SUPT16H: variants seen among roughly 807,000 people sequenced by gnomAD.
SUPT16H encodes FACT complex subunit SPT16.
A neutral mutation model predicts 136.2 loss-of-function variants in SUPT16H; 24 were observed. The observed-to-expected ratio is 0.18, with a 90% CI of 0.13 to 0.25. The LOEUF (loss-of-function observed/expected upper bound fraction) is 0.25, where lower values mean the gene tolerates loss of function less well. SUPT16H is among the 10% of genes least tolerant of loss of function. The probability of loss-of-function intolerance (pLI) is 1.00; values close to 1 mark genes in which losing one functional copy is unlikely to be tolerated. For missense variants in SUPT16H, 623 were observed against 1,270.2 expected (o/e 0.49, Z 7.74); for synonymous variants, 415 against 428.2 (o/e 0.97, Z 0.38).
chr14:21,381,800 T>TTG (rs976170084), intron 1 of SUPT16H, among the ~76,000 whole-genome samples: 18 of 150,018 alleles, frequency 1.2e-4, no homozygotes, highest in East Asian at 3.9e-4. Flanking sequence ...TTTTTTTTTT[T>TTG]GTAGAGACGG....
chr14:21,362,464 T>A (rs1886576930), intron 14 of SUPT16H, 140 bp from the exon 15 acceptor site: 2 of 896,196 alleles, frequency 2.2e-6, no homozygotes, highest in Non-Finnish European at 3.1e-6. Context: ...ACATAATTTA[T>A]CTTTTTAATA....
At position 21,352,295 on chromosome 14, in the gene SUPT16H, G is replaced by A. The variant is rs10872898; in HGVS notation, c.*378C>T. ...TGTGCTGGTCAAGAACCATGATACG[G>A]GTAATTAAGGGTCACCTTGTACCAC... On this transcript the variant is annotated 3_prime_UTR_variant, in exon 26 of 26. Transcript: ENST00000216297. 4.4e-6 allele frequency: 1 copy of A among 229,356 alleles called. No homozygotes were observed. The highest frequency in any genetic ancestry group is 8.9e-6 in the Non-Finnish European group (1 of 112,702). The allele number at this position is 229,356 out of a possible 1,614,324, so 14.2% of individuals were successfully genotyped here. A position where few individuals can be genotyped will look rare whatever the true frequency, so the allele number is the denominator to read the frequency against.
chr14:21,369,731 C>A lies in SUPT16H; in HGVS notation c.630+19G>T, dbSNP rs756490042. On this transcript the variant is annotated intron_variant, in intron 5 of 25. Coordinates refer to ENST00000216297, the MANE Select transcript of SUPT16H (RefSeq NM_007192.4). ...CTGCTTCATTAAAACAGTAAAAAGACCCTCTCATCTCCATTTACCTCATCT... is the reference window on the plus strand; with the variant it reads ...CTGCTTCATTAAAACAGTAAAAAGAACCTCTCATCTCCATTTACCTCATCT... 1 of 1,613,326 alleles carries A rather than the reference C, an allele frequency of 6.2e-7. No homozygotes were observed. The highest frequency in any genetic ancestry group is 8.5e-7 in the Non-Finnish European group (1 of 1,179,662).
At chr14:21,368,695 G>A (rs1886724096) in intron 6 of SUPT16H, among the ~76,000 whole-genome samples, 1 of 152,178 alleles carries the variant, frequency 6.6e-6, no homozygotes, top group Non-Finnish European at 1.5e-5. Flanking sequence ...TTACAAAAAT[G>A]CAAATGATAT....
chr14:21,359,038 C>T (rs1304741814), intron 19 of SUPT16H, among the ~76,000 whole-genome samples: 6 of 151,906 alleles, frequency 3.9e-5, no homozygotes, highest in African/African-American at 1.5e-4. Flanking sequence ...ATCTCCTGAC[C>T]TCGTGATCTG....
In SUPT16H at chr14:21,365,759, CAAACCAAAACCA is replaced by C. The variant is rs755461010; in HGVS notation, c.1047-628_1047-617del. On this transcript the variant is annotated intron_variant, in intron 8 of 25. Transcript: ENST00000216297. ...TGAGAAATACACTGGATTGAATAAACAAACCAAAACCAAAACCAAAACCAAAACCAAAACAAA... is the reference window on the plus strand; with the variant it reads ...TGAGAAATACACTGGATTGAATAAACAAACCAAAACCAAAACCAAAACAAA... Among the ~76,000 whole-genome samples the C allele has an allele frequency of 1.6e-3, 244 of 151,562 alleles. 1 individual carries two copies. Among genetic ancestry groups the C allele is most frequent in the South Asian group, 2.7e-3 (13 of 4,800 alleles).
chr14:21,363,867 C>G (rs532955239), intron 10 of SUPT16H, among the ~76,000 whole-genome samples: 1 of 152,004 alleles, frequency 6.6e-6, no homozygotes, highest in African/African-American at 2.4e-5. Context: ...TTAGTAGGGC[C>G]GGGGATTCAC....
chr14:21,371,695 C>A (rs1203290265), intron 3 of SUPT16H, among the ~76,000 whole-genome samples, 179 bp downstream of exon 3: 1 of 152,208 alleles, frequency 6.6e-6, no homozygotes, highest in Non-Finnish European at 1.5e-5. Context: ...TACAGCAGAA[C>A]TGATAGGATT....
intron 1 of SUPT16H, among the ~76,000 whole-genome samples, chr14:21,382,629 A>G (rs529791384): frequency 3.9e-5 from 6 of 152,194 alleles, no homozygotes; most frequent in Non-Finnish European, 7.3e-5. Context: ...AGAAAGTATC[A>G]AGGTTTTAAA....
intron 18 of SUPT16H, 54 bp downstream of exon 18, chr14:21,360,359 AGT>A: frequency 7.6e-7 from 1 of 1,311,516 alleles, no homozygotes; most frequent in Non-Finnish European, 1.1e-6. Context: ...AAAGAAGCTG[AGT>A]GAAATGAAGT....
chr14:21,368,592 TTAAA>T (rs1370399388), intron 6 of SUPT16H, 151 bp from the exon 7 acceptor site: 25 of 893,740 alleles, frequency 2.8e-5, no homozygotes, highest in Middle Eastern at 2.4e-4. Context: ...GTGTTTTGTT[TTAAA>T]TAAACTAACC....
At position 21,366,448 on chromosome 14, in the gene SUPT16H, T is replaced by C. The variant is rs149497176; in HGVS notation, c.1037A>G (p.Lys346Arg). ...QKPELLNKIT[K>R]NLGFGMGIEF... ...AGACATCATGGCATACCCTAGGTTT[T>C]TGGTAATTTTGTTCAGCAGTTCTGG... is the stretch of plus-strand genomic sequence containing the variant. Residue 346 changes from lysine to arginine, a missense_variant, in exon 8 of 26, where the codon AAA becomes AGA. By Grantham distance (26) the Lys-to-Arg change is conservative. This residue lies in a region of SUPT16H where 343 missense variants were observed against 525.7 expected (regional missense o/e 0.65). Transcript: ENST00000216297. The C allele has an allele frequency of 6.8e-6, 11 of 1,613,960 alleles. No homozygotes were observed. The highest frequency in any genetic ancestry group is 2.7e-5 in the African/African-American group (2 of 74,924).
chr14:21,383,460 T>C (rs949151341), intron 1 of SUPT16H: 2 of 558,050 alleles, frequency 3.6e-6, no homozygotes, highest in Non-Finnish European at 6.4e-6. Flanking sequence ...AAGACGGTTA[T>C]AATCCTGGCG....
intron 7 of SUPT16H, among the ~76,000 whole-genome samples, chr14:21,367,232 C>G (rs1026684422): frequency 6.6e-6 from 1 of 152,132 alleles, no homozygotes; most frequent in Non-Finnish European, 1.5e-5. Flanking sequence ...TACCCGGCCC[C>G]GATCCCATTC....
At position 21,371,882 on chromosome 14, in the gene SUPT16H, G is replaced by T. The variant is rs1330063074; in HGVS notation, c.322C>A (p.Arg108=). The T allele has an allele frequency of 1.9e-5, 31 of 1,613,610 alleles. No homozygotes were observed. The East Asian group carries it at 6.9e-4, about 36-fold the overall frequency. The change falls in exon 3 of 26, where the codon CGA becomes AGA. Residue 108 remains arginine (R), a synonymous_variant. Transcript: ENST00000216297. ...NGAPAITLLI[R]EKNESNKSSF... ...TCTTTATTAATCCTGACCTTTTCTC[G>T]TATTAGCAGTGTGATGGCAGGGGCT...
rs1358668321 is a variant in SUPT16H at position 21,351,565 on chromosome 14, AAAAAC to A, written c.*1103_*1107del. 2.8e-5 allele frequency: 5 copies of A among 175,854 alleles called. No homozygotes were observed. Among genetic ancestry groups the A allele is most frequent in the Admixed American group, 2.5e-4 (4 of 16,100 alleles). 10.9% of individuals were successfully genotyped at this position (175,854 alleles called of 1,614,324 possible). A position where few individuals can be genotyped will look rare whatever the true frequency, so the allele number is the denominator to read the frequency against. On this transcript the variant is annotated 3_prime_UTR_variant, in exon 26 of 26. Coordinates refer to ENST00000216297, the MANE Select transcript of SUPT16H (RefSeq NM_007192.4). ...ATATCAAGTCCTACTGCTAAGGAGA[AAAAAC>A]AAACAAACATAAAATCCGGGACCCC... is the stretch of plus-strand genomic sequence containing the variant.
At chr14:21,373,552 T>C (rs1226982655) in intron 1 of SUPT16H, 122 bp from the exon 2 acceptor site, 2 of 768,096 alleles carry the variant, frequency 2.6e-6, no homozygotes, top group East Asian at 5.1e-5. Context: ...TTAAGGTACA[T>C]GCCTGTTTGG....
intron 7 of SUPT16H, among the ~76,000 whole-genome samples, chr14:21,367,350 A>G (rs1461843370): frequency 6.6e-6 from 1 of 152,206 alleles, no homozygotes; most frequent in Non-Finnish European, 1.5e-5. Flanking sequence ...CATTTTCAAA[A>G]ACAGATCCTT....
intron 25 of SUPT16H, 43 bp from the exon 26 acceptor site, chr14:21,352,861 AG>A (rs781321644): frequency 6.2e-7 from 1 of 1,613,194 alleles, no homozygotes; most frequent in South Asian, 1.1e-5. Context: ...GGTAAGCTTT[AG>A]GTACCTAATA....
Sources: allele counts gnomAD v4.1 joint callset (sites outside exome capture counted in the v4.1 genomes callset), GRCh38; gene constraint gnomAD v4.1.1; regional missense constraint gnomAD v4.1.1; transcripts MANE v1.5; gene names NCBI Gene and HGNC (gene_info 2026-07-23, HGNC 2026-07-21).